ADAMTS19: variants seen among roughly 807,000 people sequenced by gnomAD.
ADAMTS19 encodes the protein ADAM metallopeptidase with thrombospondin type 1 motif 19, also known as A disintegrin and metalloproteinase with thrombospondin motifs 19.
In ADAMTS19, 93 loss-of-function variants were observed where a neutral mutation model predicts 153.3. The observed-to-expected ratio is 0.61, with a 90% CI of 0.51 to 0.72. The LOEUF (loss-of-function observed/expected upper bound fraction) is 0.72, where lower values mean the gene tolerates loss of function less well. Ranked by LOEUF, ADAMTS19 falls within the 30% of genes least tolerant of loss-of-function variation. The pLI is 0.00. For missense variants in ADAMTS19, 1,482 were observed against 1,552.1 expected, an observed-to-expected ratio of 0.95 and a Z score of 0.76; for synonymous variants, 600 against 556.6, an observed-to-expected ratio of 1.08 and a Z score of -1.10.
chr5:129,643,482 T>C (rs1016422789), intron 11 of ADAMTS19, among the ~76,000 whole-genome samples: 3 of 151,130 alleles, frequency 2.0e-5, no homozygotes, highest in Admixed American at 1.3e-4. Context: ...TGGCTGGGAG[T>C]ACATCAATGA....
intron 19 of ADAMTS19, among the ~76,000 whole-genome samples, chr5:129,698,349 C>A (rs1755658625): frequency 6.6e-6 from 1 of 152,178 alleles, no homozygotes; most frequent in African/African-American, 2.4e-5. Context: ...TTCCTCCTGT[C>A]TTTCCCCTTT....
chr5:129,593,200 T>G (rs968081147), intron 7 of ADAMTS19, among the ~76,000 whole-genome samples: 6 of 152,176 alleles, frequency 3.9e-5, no homozygotes, highest in African/African-American at 1.2e-4. Context: ...CAAATCTCTC[T>G]GATCCTGAAG....
intron 10 of ADAMTS19, among the ~76,000 whole-genome samples, chr5:129,626,498 A>G (rs1342547530): frequency 6.6e-6 from 1 of 151,976 alleles, no homozygotes; most frequent in Non-Finnish European, 1.5e-5. Context: ...GCCTTGTTTT[A>G]AAACTACACA....
chr5:129,644,142 A>T (rs1036746135), intron 11 of ADAMTS19, among the ~76,000 whole-genome samples: 1 of 152,238 alleles, frequency 6.6e-6, no homozygotes, highest in Non-Finnish European at 1.5e-5. Flanking sequence ...TTACTAAACA[A>T]AAGTAAAAAG....
intron 13 of ADAMTS19, among the ~76,000 whole-genome samples, chr5:129,652,049 A>T (rs957574489): frequency 2.6e-5 from 4 of 152,168 alleles, no homozygotes; most frequent in Non-Finnish European, 5.9e-5. Flanking sequence ...TCAGAGTTGG[A>T]TGGGCATGAA....
chr5:129,726,947 G>C (rs1183621324), intron 21 of ADAMTS19, among the ~76,000 whole-genome samples: 1 of 151,850 alleles, frequency 6.6e-6, no homozygotes, highest in Non-Finnish European at 1.5e-5. Context: ...GCTCCTGGGG[G>C]CCCCTGTTCT....
chr5:129,695,149 T>C lies in ADAMTS19; in HGVS notation c.2954+294T>C, dbSNP rs576294578. ...TCACCTCTTCAAAAACTTTGTTATT[T>C]GGTGGAACATAGCTGTTTGCTCCTG... is the stretch of plus-strand genomic sequence containing the variant. On this transcript the variant is annotated intron_variant, in intron 19 of 22. Coordinates refer to ENST00000274487, the MANE Select transcript of ADAMTS19 (RefSeq NM_133638.6). 2.0e-5 allele frequency among the ~76,000 whole-genome samples: 3 copies of C among 152,274 alleles called. No individual in the cohort carries two copies. The South Asian group carries it at 6.2e-4, about 32-fold the overall frequency.
intron 10 of ADAMTS19, among the ~76,000 whole-genome samples, chr5:129,637,770 G>A (rs996149553): frequency 5.9e-5 from 9 of 152,106 alleles, no homozygotes; most frequent in Admixed American, 5.2e-4. Flanking sequence ...GCTTGAACCC[G>A]GGAGGTGAAG....
chr5:129,670,077 A>C (rs1754236577), intron 16 of ADAMTS19, among the ~76,000 whole-genome samples: 1 of 152,138 alleles, frequency 6.6e-6, no homozygotes, highest in Admixed American at 6.6e-5. Context: ...TACTGCTCTA[A>C]TGTGACGCAT....
chr5:129,600,486 T>C (rs992375107), intron 8 of ADAMTS19, among the ~76,000 whole-genome samples: 1 of 152,206 alleles, frequency 6.6e-6, no homozygotes, highest in African/African-American at 2.4e-5. Context: ...TATAAAATGT[T>C]TATAAACAGA....
intron 16 of ADAMTS19, among the ~76,000 whole-genome samples, chr5:129,669,149 G>T (rs1357864685): frequency 6.6e-6 from 1 of 151,782 alleles, no homozygotes; most frequent in South Asian, 2.1e-4. Flanking sequence ...AACTGAGAAA[G>T]GACAGTCTTT....
chr5:129,514,167 AT>A (rs1371097009), intron 3 of ADAMTS19, among the ~76,000 whole-genome samples: 4 of 151,538 alleles, frequency 2.6e-5, no homozygotes, highest in Non-Finnish European at 5.9e-5. Context: ...TAAGTACCAC[AT>A]TTTCTTTATC....
chr5:129,533,812 T>G (rs1210134146), intron 6 of ADAMTS19, among the ~76,000 whole-genome samples: 1 of 152,156 alleles, frequency 6.6e-6, no homozygotes, highest in African/African-American at 2.4e-5. Flanking sequence ...TCTCGTTGGT[T>G]GCAAAGAACA....
At chr5:129,528,447 ATTGTTGTTG>A in intron 5 of ADAMTS19, 64 bp from the exon 6 acceptor site, 10 of 1,192,772 alleles carry the variant, frequency 8.4e-6, no homozygotes, top group East Asian at 2.8e-5. Context: ...TGCCTTTGTT[ATTGTTGTTG>A]TTGTTGTTGT....
intron 3 of ADAMTS19, among the ~76,000 whole-genome samples, chr5:129,515,615 G>A (rs896468765): frequency 7.2e-5 from 11 of 151,944 alleles, no homozygotes; most frequent in African/African-American, 2.4e-4. Flanking sequence ...ATATAGAAAT[G>A]CTAATGATTT....
chr5:129,680,086 ATGT>A (rs1189676313), intron 17 of ADAMTS19, among the ~76,000 whole-genome samples, 165 bp downstream of exon 17: 2 of 152,326 alleles, frequency 1.3e-5, no homozygotes, highest in East Asian at 1.9e-4. Flanking sequence ...GTTTTAAATC[ATGT>A]TGTCTAAAAA....
At chr5:129,473,397 A>G (rs1750129153) in intron 2 of ADAMTS19, among the ~76,000 whole-genome samples, 1 of 152,136 alleles carries the variant, frequency 6.6e-6, no homozygotes, top group African/African-American at 2.4e-5. Context: ...CAATTAACTT[A>G]CTGACAGAGG....
Position 129,509,134 on chromosome 5 carries a change from A to G in ADAMTS19, c.805A>G (p.Met269Val), listed in dbSNP as rs140409061. The G allele has an allele frequency of 4.8e-5, 77 of 1,611,898 alleles. No individual in the cohort carries two copies. The African/African-American group carries it at 9.2e-4, about 19-fold the overall frequency. The change falls in exon 3 of 23, where the codon ATG becomes GTG. Residue 269 changes from methionine to valine, a missense_variant. Physicochemically the swap from Met to Val is conservative, Grantham distance 21. Coordinates refer to ENST00000274487, the MANE Select transcript of ADAMTS19 (RefSeq NM_133638.6). ...ATTTATTGAGCCACTCAATGATACA[A>G]TGGCCATAACAGGTCACCCACACCG... ...FIFIEPLNDTMAITGHPHRVY... is the reference protein window; with the variant it reads ...FIFIEPLNDTVAITGHPHRVY...
chr5:129,487,391 T>C (rs1223902543), intron 2 of ADAMTS19, among the ~76,000 whole-genome samples: 1 of 152,104 alleles, frequency 6.6e-6, no homozygotes, highest in Non-Finnish European at 1.5e-5. Flanking sequence ...TTAATAATAT[T>C]GCCCAAAAAT....
Sources: allele counts gnomAD v4.1 joint callset (sites outside exome capture counted in the v4.1 genomes callset), GRCh38; gene constraint gnomAD v4.1.1; transcripts MANE v1.5; gene names NCBI Gene and HGNC (gene_info 2026-07-23, HGNC 2026-07-21).